The following VPS8 variants were observed in gnomAD, a reference collection of about 807,000 sequenced individuals.
The protein encoded by VPS8 is VPS8 subunit of CORVET complex.
VPS8 carries 129 observed loss-of-function variants against 216.4 expected under a neutral mutation model. The observed-to-expected ratio is 0.60, with a 90% CI of 0.52 to 0.69. The LOEUF is 0.69. Ranked by LOEUF, VPS8 falls within the 30% of genes least tolerant of loss-of-function variation. The probability of loss-of-function intolerance (pLI) is 0.00; values close to 1 mark genes in which losing one functional copy is unlikely to be tolerated. For missense variants in VPS8, 1,531 were observed against 1,683.5 expected (o/e 0.91, Z 1.59); for synonymous variants, 571 against 565.4 (o/e 1.01, Z -0.14).
chr3:184,888,274 C>T (rs1041604316), intron 22 of VPS8, among the ~76,000 whole-genome samples: 1 of 152,128 alleles, frequency 6.6e-6, no homozygotes, highest in Non-Finnish European at 1.5e-5. Flanking sequence ...AGGCATGAGC[C>T]GCCGCACCCG....
At chr3:184,974,518 C>T (rs1253622495) in intron 40 of VPS8, among the ~76,000 whole-genome samples, 2 of 152,076 alleles carry the variant, frequency 1.3e-5, no homozygotes, top group African/African-American at 4.8e-5. Context: ...TCTCTTCACT[C>T]TTTGGATCAT....
intron 25 of VPS8, among the ~76,000 whole-genome samples, chr3:184,905,512 T>C (rs1249151716): frequency 1.3e-5 from 2 of 152,258 alleles, no homozygotes; most frequent in Admixed American, 1.3e-4. Flanking sequence ...TTTGTCAGTT[T>C]TGTTGATCTT....
chr3:184,998,821 T>C (rs889446504), intron 44 of VPS8, among the ~76,000 whole-genome samples: 6 of 152,092 alleles, frequency 3.9e-5, no homozygotes, highest in African/African-American at 1.4e-4. Context: ...GCCTTGAATT[T>C]GGTGAGCAGA....
intron 1 of VPS8, among the ~76,000 whole-genome samples, chr3:184,818,482 A>G (rs1386332905): frequency 2.7e-5 from 4 of 150,820 alleles, no homozygotes; most frequent in Non-Finnish European, 5.9e-5. Flanking sequence ...AGCTTATGCC[A>G]CTGCACTCCA....
chr3:184,917,628 A>G (rs1167706068), intron 28 of VPS8, among the ~76,000 whole-genome samples: 1 of 152,016 alleles, frequency 6.6e-6, no homozygotes, highest in African/African-American at 2.4e-5. Context: ...CTGGTCTCGA[A>G]CTCCTGACCT....
chr3:184,845,572 A>G (rs931857579), intron 8 of VPS8, among the ~76,000 whole-genome samples: 7 of 151,842 alleles, frequency 4.6e-5, no homozygotes, highest in African/African-American at 1.2e-4. Flanking sequence ...CCAGTCTAAC[A>G]TGGAGAAACC....
intron 1 of VPS8, among the ~76,000 whole-genome samples, chr3:184,818,770 T>G (rs1382434379): frequency 6.6e-6 from 1 of 152,190 alleles, no homozygotes. Flanking sequence ...CATTGTAATG[T>G]GAAAAAGTAT....
intron 46 of VPS8, among the ~76,000 whole-genome samples, chr3:185,048,098 A>G (rs1168157232): frequency 6.6e-6 from 1 of 152,238 alleles, no homozygotes; most frequent in Admixed American, 6.5e-5. Flanking sequence ...TTACCATGAC[A>G]GAGAAAAGCG....
chr3:184,902,295 G>C (rs948227010), intron 25 of VPS8, among the ~76,000 whole-genome samples: 1 of 151,772 alleles, frequency 6.6e-6, no homozygotes, highest in African/African-American at 2.4e-5. Context: ...GGCCAATATG[G>C]TGAAACCCCG....
At chr3:184,823,686 A>G (rs1337981499) in intron 1 of VPS8, among the ~76,000 whole-genome samples, 1 of 152,214 alleles carries the variant, frequency 6.6e-6, no homozygotes, top group Non-Finnish European at 1.5e-5. Context: ...AAGTTGGGTC[A>G]CTTGTGGCCT....
chr3:185,029,454 T>C (rs765743903), intron 46 of VPS8, among the ~76,000 whole-genome samples: 50 of 152,336 alleles, frequency 3.3e-4, no homozygotes, highest in Non-Finnish European at 6.5e-4. Flanking sequence ...AGGACTCAGC[T>C]AACTTCCTGG....
intron 10 of VPS8, among the ~76,000 whole-genome samples, chr3:184,850,514 CTATTGGTT>C (rs1406982838): frequency 5.3e-4 from 80 of 152,252 alleles, no homozygotes; most frequent in Non-Finnish European, 1.2e-4. Context: ...AGAAATGAAT[CTATTGGTT>C]TATTTTCTTT....
chr3:185,033,753 T>A lies in VPS8; in HGVS notation c.4056+9364T>A, dbSNP rs147382689. Among the ~76,000 whole-genome samples, 376 of 152,334 alleles carry A rather than the reference T, an allele frequency of 2.5e-3. 1 individual carries two copies. The highest frequency in any genetic ancestry group is 8.5e-3 in the African/African-American group (354 of 41,574). ...ATTCCCAGCAGCAATGAATGAGAGT[T>A]CCTATTGCTCCACATCCTCACCAGC... On this transcript the variant is annotated intron_variant, in intron 46 of 47. Coordinates refer to ENST00000625842, the MANE Select transcript of VPS8 (RefSeq NM_001009921.3).
intron 16 of VPS8, among the ~76,000 whole-genome samples, chr3:184,864,739 A>G (rs1352343404): frequency 2.6e-5 from 4 of 152,248 alleles, no homozygotes; most frequent in Non-Finnish European, 4.4e-5. Flanking sequence ...CTCCTAGAAG[A>G]AAACACAAGA....
intron 1 of VPS8, among the ~76,000 whole-genome samples, chr3:184,819,944 G>A (rs528341197): frequency 1.3e-5 from 2 of 152,260 alleles, no homozygotes; most frequent in South Asian, 2.1e-4. Flanking sequence ...TTTTCATTAC[G>A]TGTAAGTGGA....
chr3:184,897,751 G>A (rs1290325766), intron 23 of VPS8, among the ~76,000 whole-genome samples: 1 of 151,970 alleles, frequency 6.6e-6, no homozygotes, highest in African/African-American at 2.4e-5. Flanking sequence ...GCCGACTTCT[G>A]CCCTTCTCCT....
chr3:184,893,281 T>C (rs1399132758), intron 22 of VPS8: 3 of 1,288,248 alleles, frequency 2.3e-6, no homozygotes, highest in African/African-American at 3.0e-5. Flanking sequence ...AGGAGCTTCC[T>C]TGATGTTTTT....
At position 184,929,576 on chromosome 3, in the gene VPS8, C is replaced by A. The variant is rs1740319994; in HGVS notation, c.2715-4C>A. ...ACACTGAAGTTTTTCCCTTTACATT[C>A]TAGCTATCAAATTTGTGAATTTATG... On this transcript the variant is annotated splice_polypyrimidine_tract_variant and splice_region_variant and intron_variant, in intron 32 of 47. Transcript: ENST00000625842. 2.7e-6 allele frequency: 4 copies of A among 1,485,158 alleles called. No homozygotes were observed. The East Asian group carries it at 1.0e-4, about 37-fold the overall frequency. 92.0% of individuals were successfully genotyped at this position (1,485,158 alleles called of 1,614,324 possible).
At chr3:184,843,165 CCTTTT>C (rs1405020855) in intron 7 of VPS8, 70 bp from the exon 8 acceptor site, 6 of 1,159,606 alleles carry the variant, frequency 5.2e-6, no homozygotes, top group Admixed American at 6.1e-5. Context: ...TTTTTACCTG[CCTTTT>C]CTTCGAACTT....
Sources: gnomAD v4.1 joint callset for allele counts (sites outside exome capture counted in the v4.1 genomes callset) on GRCh38, gnomAD v4.1.1 for gene constraint, MANE v1.5 for transcripts, NCBI Gene and HGNC (gene_info 2026-07-23, HGNC 2026-07-21) for gene names.